The following SLC8A1 variants were observed in gnomAD, a reference collection of about 807,000 sequenced individuals.
The protein encoded by SLC8A1 is solute carrier family 8 member A1, also known as sodium/calcium exchanger 1.
In SLC8A1, 18 loss-of-function variants were observed where a neutral mutation model predicts 68.3. The ratio of observed to expected loss-of-function variants is 0.26; its 90% CI spans 0.18 to 0.39. SLC8A1 has a LOEUF of 0.39. Ranked by LOEUF, SLC8A1 falls within the 10% of genes least tolerant of loss-of-function variation. The pLI is 1.00. For synonymous variants in SLC8A1, 475 were observed against 415.5 expected (o/e 1.14, Z -1.74); for missense variants, 985 against 1,156.7 (o/e 0.85, Z 2.15).
intron 2 of SLC8A1, chr2:40,209,217 G>A (rs1055699742): frequency 1.3e-5 from 2 of 152,164 alleles, no homozygotes; most frequent in Non-Finnish European, 2.9e-5. Context: ...GGATCATCAA[G>A]GTAGGCCTTT....
upstream of SLC8A1, among the ~76,000 whole-genome samples, chr2:40,454,716 T>A (rs1191929797): frequency 6.6e-6 from 1 of 152,186 alleles, no homozygotes; most frequent in Non-Finnish European, 1.5e-5. Context: ...TTCTTTGCCT[T>A]TCATTTCTCT....
At chr2:40,206,600 C>G (rs992812357) in intron 2 of SLC8A1, among the ~76,000 whole-genome samples, 1 of 151,940 alleles carries the variant, frequency 6.6e-6, no homozygotes, top group Non-Finnish European at 1.5e-5. Context: ...AAATTAAAAA[C>G]AAGACCCATC....
intron 2 of SLC8A1, chr2:40,189,638 A>T (rs369150112): frequency 6.6e-6 from 1 of 152,312 alleles, no homozygotes; most frequent in African/African-American, 2.4e-5. Context: ...TTAAAGTAAT[A>T]CTTGCTAATT....
chr2:40,240,598 CT>C (rs557911394), intron 2 of SLC8A1, among the ~76,000 whole-genome samples: 3 of 152,186 alleles, frequency 2.0e-5, no homozygotes, highest in Non-Finnish European at 4.4e-5. Flanking sequence ...TTTATGAACA[CT>C]TTTTTGTATA....
chr2:40,466,981 A>AG (rs1703712505), intron 1 of SLC8A1, among the ~76,000 whole-genome samples: 1 of 151,730 alleles, frequency 6.6e-6, no homozygotes. Flanking sequence ...CTAAAAAAAA[A>AG]AAAAAATGTG....
At chr2:40,098,009 A>G (rs1355011757) in exon 8 of SLC8A1, 3 of 152,028 alleles carry the variant, frequency 2.0e-5, no homozygotes, top group African/African-American at 7.2e-5. Context: ...TTAATCACAA[A>G]GAGACTAGAT....
Position 40,164,930 on chromosome 2 carries a change from A to G in SLC8A1, c.1985T>C (p.Ile662Thr). ...CAGGATGGGGCGCCCCATTTCTGCA[A>G]TGCGCCTCTCCTCTTCCTCTTTGCT... is the stretch of plus-strand genomic sequence containing the variant. The change falls in exon 5 of 8, where the codon ATT (isoleucine) becomes ACT (threonine). Residue 662 changes from isoleucine (I) to threonine (T), a missense_variant. Ile to Thr is a moderately conservative substitution (Grantham distance 89, BLOSUM62 -1). Coordinates refer to ENST00000406785, the Ensembl canonical transcript of SLC8A1. The G allele has an allele frequency of 1.9e-6, 3 of 1,613,964 alleles. No homozygotes were observed. The highest frequency in any genetic ancestry group is 1.1e-5 in the South Asian group (1 of 91,076).
rs1281191646 is a variant in SLC8A1 at position 40,313,365 on chromosome 2, G to A, written c.1808+115108C>T. ...TCACTTGCTAATAGATATCTAGGTT[G>A]TTTTGAGTTGTACAAGTCTTTGTAT... On this transcript the variant is annotated intron_variant, in intron 2 of 7. Coordinates refer to ENST00000406785, the Ensembl canonical transcript of SLC8A1. Among the ~76,000 whole-genome samples the A allele has an allele frequency of 5.3e-5, 8 of 152,046 alleles. No homozygotes were observed. In the East Asian group the frequency reaches 1.5e-3, roughly 29 times the overall value.
chr2:40,228,993 A>G (rs564619786), intron 2 of SLC8A1, among the ~76,000 whole-genome samples: 1 of 152,328 alleles, frequency 6.6e-6, no homozygotes, highest in East Asian at 1.9e-4. Flanking sequence ...CATATACTCA[A>G]GCCATCATTA....
At chr2:40,467,541 T>C (rs1703763230) in intron 1 of SLC8A1, among the ~76,000 whole-genome samples, 1 of 152,156 alleles carries the variant, frequency 6.6e-6, no homozygotes, top group Non-Finnish European at 1.5e-5. Context: ...CCTTTTATGT[T>C]CCTTCTACAG....
rs1383666174 is a variant in SLC8A1, at chr2:40,166,925, G to A, written c.1931-1941C>T. Among the ~76,000 whole-genome samples the A allele has an allele frequency of 2.6e-5, 4 of 152,304 alleles. No individual in the cohort carries two copies. The East Asian group carries it at 7.7e-4, about 29-fold the overall frequency. On this transcript the variant is annotated intron_variant, in intron 4 of 7. Transcript: ENST00000406785. ...CATCTATTTAAACTGTGAAGCTATTGGGGGAGAATATTTATTATGGCCTTC... is the reference window on the plus strand; with the variant it reads ...CATCTATTTAAACTGTGAAGCTATTAGGGGAGAATATTTATTATGGCCTTC...
chr2:40,248,830 G>C (rs908239684), intron 2 of SLC8A1, among the ~76,000 whole-genome samples: 4 of 152,096 alleles, frequency 2.6e-5, no homozygotes, highest in African/African-American at 9.7e-5. Context: ...GATCTTTAGG[G>C]ATTTAGGTTC....
intron 1 of SLC8A1, among the ~76,000 whole-genome samples, chr2:40,448,977 T>C (rs929596165): frequency 2.0e-5 from 3 of 152,118 alleles, no homozygotes; most frequent in Non-Finnish European, 2.9e-5. Context: ...ATATGTGCTC[T>C]AACAGCCTCT....
At position 40,349,492 on chromosome 2, in the gene SLC8A1, C is replaced by T. The variant is rs182759238; in HGVS notation, c.1808+78981G>A. Among the ~76,000 whole-genome samples, 8 of 152,310 alleles carry T rather than the reference C, an allele frequency of 5.3e-5. No individual in the cohort carries two copies. In the East Asian group the frequency reaches 1.4e-3, roughly 26 times the overall value. Reference sequence around the variant, plus strand: ...AGAGACACAAATATGAATCCTGCTCCTTCCTCATAGCAGCTAAATGACCTT... The same window carrying T: ...AGAGACACAAATATGAATCCTGCTCTTTCCTCATAGCAGCTAAATGACCTT... On this transcript the variant is annotated intron_variant, in intron 2 of 7. Transcript: ENST00000406785.
At chr2:40,477,972 C>T (rs1030617660) in intron 1 of SLC8A1, among the ~76,000 whole-genome samples, 1 of 152,188 alleles carries the variant, frequency 6.6e-6, no homozygotes, top group African/African-American at 2.4e-5. Flanking sequence ...GAAAAAGGTA[C>T]TGTATAAATA....
rs764313245 is a variant in SLC8A1 at position 40,165,002 on chromosome 2, C to G, written c.1931-18G>C. On this transcript the variant is annotated intron_variant, in intron 4 of 7. Transcript: ENST00000406785. ...ATATTCGTCTGTGAAACGGAAGTAT[C>G]AGAGAGTGAGCACTGTGTTCTGTTT... The G allele has an allele frequency of 6.2e-7, 1 of 1,613,322 alleles. No homozygotes were observed. Among genetic ancestry groups the G allele is most frequent in the South Asian group, 1.1e-5 (1 of 91,066 alleles).
intron 2 of SLC8A1, among the ~76,000 whole-genome samples, chr2:40,389,369 A>T (rs1033284980): frequency 2.6e-5 from 4 of 152,102 alleles, no homozygotes; most frequent in African/African-American, 4.8e-5. Flanking sequence ...TGCCAGCCTT[A>T]AGCTATCAGT....
chr2:40,476,962 T>C (rs1427798970), intron 1 of SLC8A1, among the ~76,000 whole-genome samples: 5 of 152,176 alleles, frequency 3.3e-5, no homozygotes, highest in African/African-American at 1.2e-4. Flanking sequence ...AGTGAATCAG[T>C]AAATCAATGA....
At chr2:40,339,560 A>C (rs1313838213) in intron 2 of SLC8A1, among the ~76,000 whole-genome samples, 1 of 152,262 alleles carries the variant, frequency 6.6e-6, no homozygotes, top group African/African-American at 2.4e-5. Flanking sequence ...TGAAGTACAA[A>C]GTAAATAAGT....
Sources: gnomAD v4.1 joint callset for allele counts (sites outside exome capture counted in the v4.1 genomes callset) on GRCh38, gnomAD v4.1.1 for gene constraint, MANE v1.5 for transcripts, NCBI Gene and HGNC (gene_info 2026-07-23, HGNC 2026-07-21) for gene names.